Variants in RBFOX1 observed in about 807,000 individuals in gnomAD.
RBFOX1 encodes the protein RNA binding protein fox-1 homolog 1.
In RBFOX1, 8 loss-of-function variants were observed where a neutral mutation model predicts 57.7. The observed-to-expected ratio is 0.14, with a 90% CI of 0.08 to 0.25. The LOEUF is 0.25. Ranked by LOEUF, RBFOX1 falls within the 10% of genes least tolerant of loss-of-function variation. The probability of loss-of-function intolerance (pLI) is 1.00; values close to 1 mark genes in which losing one functional copy is unlikely to be tolerated. For synonymous variants in RBFOX1, 326 were observed against 222.4 expected (o/e 1.47, Z -4.15); for missense variants, 611 against 548.5 (o/e 1.11, Z -1.14).
At chr16:5,516,899 C>T (rs1315818492) in intron 2 of RBFOX1, among the ~76,000 whole-genome samples, 8 of 152,024 alleles carry the variant, frequency 5.3e-5, no homozygotes, top group African/African-American at 1.9e-4. Context: ...AACTGTGAGT[C>T]AATTAAACCT....
intron 14 of RBFOX1, among the ~76,000 whole-genome samples, chr16:7,695,982 A>G (rs2078688374): frequency 6.6e-6 from 1 of 152,202 alleles, no homozygotes; most frequent in Admixed American, 6.5e-5. Context: ...TAGTGAGATG[A>G]AAATCATTAA....
At chr16:6,395,813 C>A (rs2092806215) in intron 2 of RBFOX1, among the ~76,000 whole-genome samples, 1 of 151,854 alleles carries the variant, frequency 6.6e-6, no homozygotes, top group South Asian at 2.1e-4. Flanking sequence ...GCTTGTAATC[C>A]CAGCAGTTTT....
chr16:5,566,766 T>G (rs191713430), intron 2 of RBFOX1, among the ~76,000 whole-genome samples: 25 of 152,172 alleles, frequency 1.6e-4, no homozygotes, highest in Admixed American at 3.3e-4. Flanking sequence ...ATGATTTTTG[T>G]TGAGTATTAG....
At chr16:5,961,817 C>T (rs114256982) in intron 4 of RBFOX1, among the ~76,000 whole-genome samples, 1 of 152,334 alleles carries the variant, frequency 6.6e-6, no homozygotes, top group Non-Finnish European at 1.5e-5. Flanking sequence ...CATGAGTCAT[C>T]ATGTCCCGCC....
chr16:7,303,760 GCTCTCTCT>G lies in RBFOX1; in HGVS notation c.28-214372_28-214365del, dbSNP rs145673482. 4.8e-3 allele frequency among the ~76,000 whole-genome samples: 670 copies of G among 139,964 alleles called. 2 individuals carry two copies. Among genetic ancestry groups the G allele is most frequent in the African/African-American group, 0.016 (617 of 37,664 alleles). The allele number at this position is 139,964 out of a possible 152,430, so 91.8% of individuals were successfully genotyped here. A position where few individuals can be genotyped will look rare whatever the true frequency, so the allele number is the denominator to read the frequency against. On this transcript the variant is annotated intron_variant, in intron 4 of 15. Transcript: ENST00000550418. ...TCTCTCTCTCTTTACCCTCCCTCTC[GCTCTCTCT>G]CTCTCTCTCTCTCTGTCTCTCCCCT...
intron 2 of RBFOX1, among the ~76,000 whole-genome samples, chr16:5,505,006 G>A (rs2043331247): frequency 6.6e-6 from 1 of 152,208 alleles, no homozygotes; most frequent in South Asian, 2.1e-4. Context: ...AGGTTTCTTT[G>A]AGGAGTGATG....
chr16:7,551,553 A>G (rs547444950), intron 5 of RBFOX1, among the ~76,000 whole-genome samples: 8 of 152,330 alleles, frequency 5.3e-5, no homozygotes, highest in South Asian at 2.1e-4. Context: ...GAAATGGTCA[A>G]TAAGTGAGCA....
At chr16:5,751,332 A>C (rs72766922) in intron 3 of RBFOX1, among the ~76,000 whole-genome samples, 8,988 of 149,376 alleles carry the variant, frequency 0.06, 375 homozygotes, top group Non-Finnish European at 0.089. Flanking sequence ...AGTGCCCTAC[A>C]TTTGTGCATC....
chr16:5,733,212 CTG>C (rs1431891322), intron 3 of RBFOX1, among the ~76,000 whole-genome samples: 4 of 152,162 alleles, frequency 2.6e-5, no homozygotes, highest in Non-Finnish European at 5.9e-5. Context: ...ATTAAAGAGA[CTG>C]GGGACTAACA....
At chr16:7,107,551 A>G (rs1212224703) in intron 4 of RBFOX1, among the ~76,000 whole-genome samples, 1 of 152,094 alleles carries the variant, frequency 6.6e-6, no homozygotes, top group Non-Finnish European at 1.5e-5. Flanking sequence ...CATACCTGAC[A>G]AACTTGACTG....
intron 2 of RBFOX1, among the ~76,000 whole-genome samples, chr16:6,508,124 A>G (rs1186615157): frequency 6.6e-6 from 1 of 152,180 alleles, no homozygotes. Flanking sequence ...CAGAAAACCA[A>G]ATACTGCATG....
intron 2 of RBFOX1, among the ~76,000 whole-genome samples, chr16:6,389,721 C>A (rs937619021): frequency 1.3e-5 from 2 of 152,160 alleles, no homozygotes; most frequent in Non-Finnish European, 2.9e-5. Context: ...AAAAATTCAG[C>A]TCAGGCTGTA....
chr16:6,715,736 C>T (rs778095131), intron 3 of RBFOX1, among the ~76,000 whole-genome samples: 2 of 149,380 alleles, frequency 1.3e-5, no homozygotes, highest in East Asian at 1.9e-4. Flanking sequence ...TGGTTTTTAT[C>T]CAGTGAATTG....
intron 1 of RBFOX1, among the ~76,000 whole-genome samples, chr16:6,182,731 C>T (rs145873732): frequency 1.2e-3 from 184 of 152,218 alleles, no homozygotes; most frequent in Middle Eastern, 6.8e-3. Flanking sequence ...CATTTAGGAA[C>T]GCTGTAGTTA....
At chr16:6,234,435 A>G (rs1471177932) in intron 1 of RBFOX1, among the ~76,000 whole-genome samples, 1 of 152,200 alleles carries the variant, frequency 6.6e-6, no homozygotes, top group South Asian at 2.1e-4. Flanking sequence ...GATCCTTATC[A>G]TTTACCCTTC....
At chr16:6,480,925 T>C (rs2095362115) in intron 2 of RBFOX1, among the ~76,000 whole-genome samples, 1 of 152,202 alleles carries the variant, frequency 6.6e-6, no homozygotes, top group Non-Finnish European at 1.5e-5. Context: ...ATATTTTTAA[T>C]GCTAGATGGG....
rs187198519 is a variant in RBFOX1, at chr16:6,704,268, C to T, written c.-16+49618C>T. 6.5e-3 allele frequency: 983 copies of T among 152,352 alleles called. 10 individuals are homozygous for T. The highest frequency in any genetic ancestry group is 0.02 in the Middle Eastern group (6 of 294). The allele number at this position is 152,352 out of a possible 1,614,324, so 9.4% of individuals were successfully genotyped here. On this transcript the variant is annotated intron_variant, in intron 3 of 15. Coordinates refer to ENST00000550418, the MANE Select transcript of RBFOX1 (RefSeq NM_018723.4). Reference sequence around the variant, plus strand: ...CAGAACTGCAAATTGAACAGCCAGTCCCTGCTCCACAGAGATATGCAATGC... The same window carrying T: ...CAGAACTGCAAATTGAACAGCCAGTTCCTGCTCCACAGAGATATGCAATGC...
chr16:6,713,568 T>C (rs985135081), intron 3 of RBFOX1, among the ~76,000 whole-genome samples: 2 of 152,030 alleles, frequency 1.3e-5, no homozygotes, highest in Non-Finnish European at 2.9e-5. Flanking sequence ...CACAAATCTC[T>C]CCAGATATTT....
intron 4 of RBFOX1, among the ~76,000 whole-genome samples, chr16:7,195,485 C>G (rs938526025): frequency 7.5e-4 from 114 of 152,316 alleles, no homozygotes; most frequent in African/African-American, 2.4e-3. Flanking sequence ...ACTGACCCAA[C>G]AGCACAGATT....
Sources: gnomAD v4.1 joint callset for allele counts (sites outside exome capture counted in the v4.1 genomes callset) on GRCh38, gnomAD v4.1.1 for gene constraint, MANE v1.5 for transcripts, NCBI Gene and HGNC (gene_info 2026-07-23, HGNC 2026-07-21) for gene names.